Variants in TVP23A observed in about 807,000 individuals in gnomAD.
The protein encoded by TVP23A is trans-golgi network vesicle protein 23 homolog A.
TVP23A carries 21 observed loss-of-function variants against 31.7 expected under a neutral mutation model. The observed-to-expected ratio is 0.66, with a 90% CI of 0.47 to 0.95. The LOEUF (loss-of-function observed/expected upper bound fraction) is 0.95, where lower values mean the gene tolerates loss of function less well. TVP23A is among the 40% of genes least tolerant of loss of function. The pLI, the probability that TVP23A is intolerant of heterozygous loss-of-function variation, is 0.00. For synonymous variants in TVP23A, 104 were observed against 96.0 expected (o/e 1.08, Z -0.49); for missense variants, 279 against 255.6 (o/e 1.09, Z -0.62).
intron 2 of TVP23A, among the ~76,000 whole-genome samples, chr16:10,780,609 A>C (rs145094276): frequency 1.8e-4 from 27 of 152,196 alleles, no homozygotes; most frequent in African/African-American, 5.5e-4. Context: ...TCCTGGCTCT[A>C]ATCTCTGAGT....
chr16:10,798,209 T>C (rs9925212), intron 2 of TVP23A, among the ~76,000 whole-genome samples: 5,456 of 152,170 alleles, frequency 0.036, 308 homozygotes, highest in African/African-American at 0.12. Flanking sequence ...TCTGCCCGCC[T>C]TGGCCTCCCA....
chr16:10,774,167 G>C, intron 3 of TVP23A, 39 bp from the exon 4 acceptor site: 2 of 1,487,386 alleles, frequency 1.3e-6, no homozygotes, highest in Non-Finnish European at 1.9e-6. Flanking sequence ...CAGGTCACAG[G>C]CAAAGAGGCT....
At chr16:10,775,118 G>GC (rs776774695) in intron 2 of TVP23A, 22 bp from the exon 3 acceptor site, 1 of 1,596,678 alleles carries the variant, frequency 6.3e-7, no homozygotes. Context: ...CCCAGAAGGC[G>GC]CCCTCACTCC....
In TVP23A at chr16:10,767,836, G is replaced by A; in HGVS notation, c.*1266C>T. Reference sequence around the variant, plus strand: ...TTCTACTTTGTTCTTCATTACGAGTGAAGCGGGCTCAAGATCTTCCCATTG... The same window carrying A: ...TTCTACTTTGTTCTTCATTACGAGTAAAGCGGGCTCAAGATCTTCCCATTG... On this transcript the variant is annotated 3_prime_UTR_variant, in exon 8 of 8. Transcript: ENST00000299866. This position sits in a 1 kb window ranked among gnomAD's most constrained non-coding sequence, Gnocchi z 4.6. The A allele has an allele frequency of 2.1e-6, 2 of 966,180 alleles. No individual in the cohort carries two copies. Among genetic ancestry groups the A allele is most frequent in the Non-Finnish European group, 3.3e-6 (2 of 610,996 alleles). The allele number at this position is 966,180 out of a possible 1,614,324, so 59.9% of individuals were successfully genotyped here. A position where few individuals can be genotyped will look rare whatever the true frequency, so the allele number is the denominator to read the frequency against.
At chr16:10,805,720 T>A (rs1282480685) in intron 2 of TVP23A, among the ~76,000 whole-genome samples, 1 of 151,674 alleles carries the variant, frequency 6.6e-6, no homozygotes, top group Non-Finnish European at 1.5e-5. Flanking sequence ...TGCTTATATG[T>A]TTATTGTCTT....
intron 2 of TVP23A, among the ~76,000 whole-genome samples, chr16:10,780,241 GTGATT>G: frequency 6.6e-6 from 1 of 152,300 alleles, no homozygotes; most frequent in Non-Finnish European, 1.5e-5. Flanking sequence ...AGGTGCTGGG[GTGATT>G]ACCCTTATCT....
intron 2 of TVP23A, among the ~76,000 whole-genome samples, chr16:10,807,314 C>T (rs1166762367): frequency 6.6e-6 from 1 of 152,230 alleles, no homozygotes; most frequent in Non-Finnish European, 1.5e-5. Context: ...TCAATACTGT[C>T]ACCTGTGCCC....
chr16:10,777,390 G>C lies in TVP23A; in HGVS notation c.90-2294C>G, dbSNP rs536533017. 6.6e-6 allele frequency among the ~76,000 whole-genome samples: 1 copy of C among 152,066 alleles called. No individual in the cohort carries two copies. Among genetic ancestry groups the C allele is most frequent in the African/African-American group, 2.4e-5 (1 of 41,406 alleles). On this transcript the variant is annotated intron_variant, in intron 2 of 7. Transcript: ENST00000299866. This position sits in a 1 kb window ranked among gnomAD's most constrained non-coding sequence, Gnocchi z 4.5. ...AGTGAGCTTGCAACCTCTGGATTAGGTTACAAAATGTTGTGGGCTTTGGAA... is the reference window on the plus strand; with the variant it reads ...AGTGAGCTTGCAACCTCTGGATTAGCTTACAAAATGTTGTGGGCTTTGGAA...
At chr16:10,816,925 TCACACACACACA>T (rs58142989) in intron 2 of TVP23A, among the ~76,000 whole-genome samples, 2,743 of 145,904 alleles carry the variant, frequency 0.019, 91 homozygotes, top group African/African-American at 0.066. Flanking sequence ...CAGGGAAACT[TCACACACACACA>T]CACACACACA....
chr16:10,761,573 C>A, intron 8 of TVP23A: 2 of 1,136,140 alleles, frequency 1.8e-6, no homozygotes, highest in Non-Finnish European at 2.6e-6. Flanking sequence ...CTTTCCCTGT[C>A]ATTTTGGGAA....
intron 6 of TVP23A, among the ~76,000 whole-genome samples, chr16:10,771,402 G>A (rs1194188195): frequency 2.0e-5 from 3 of 152,060 alleles, no homozygotes; most frequent in Non-Finnish European, 4.4e-5. Flanking sequence ...AGGCATGGTG[G>A]TACACACCTG....
intron 2 of TVP23A, among the ~76,000 whole-genome samples, chr16:10,812,499 A>C (rs1795276252): frequency 6.6e-6 from 1 of 152,246 alleles, no homozygotes; most frequent in Non-Finnish European, 1.5e-5. Context: ...AAGAGGTACA[A>C]GTGTACCCAA....
chr16:10,784,887 G>A (rs2142961088), intron 2 of TVP23A, among the ~76,000 whole-genome samples: 1 of 152,078 alleles, frequency 6.6e-6, no homozygotes, highest in African/African-American at 2.4e-5. Context: ...GATCACCTGA[G>A]GTCAGGAATT....
chr16:10,818,324 C>G lies in TVP23A; in HGVS notation c.10-142G>C. 8 of 1,356,006 alleles carry G rather than the reference C, an allele frequency of 5.9e-6. No homozygotes were observed. Among genetic ancestry groups the G allele is most frequent in the Non-Finnish European group, 8.1e-6 (8 of 989,148 alleles). 84.0% of individuals were successfully genotyped at this position (1,356,006 alleles called of 1,614,324 possible). A position where few individuals can be genotyped will look rare whatever the true frequency, so the allele number is the denominator to read the frequency against. On this transcript the variant is annotated intron_variant, in intron 1 of 7. Coordinates refer to ENST00000299866, the MANE Select transcript of TVP23A (RefSeq NM_001079512.4). This position sits in a 1 kb window ranked among gnomAD's most constrained non-coding sequence, Gnocchi z 4.7. ...CCTCCGAGCTGGCGGGGCCCCTCCG[C>G]TGCGGCTGCAGTGCAAAGCCCTCTC...
At chr16:10,774,884 T>C in intron 3 of TVP23A, 68 bp downstream of exon 3, 1 of 1,442,526 alleles carries the variant, frequency 6.9e-7, no homozygotes, top group East Asian at 2.4e-5. Context: ...AAGTACCTCT[T>C]GGTACCACGC....
At chr16:10,778,770 A>AT (rs2032241461) in intron 2 of TVP23A, among the ~76,000 whole-genome samples, 1 of 152,178 alleles carries the variant, frequency 6.6e-6, no homozygotes, top group Non-Finnish European at 1.5e-5. Context: ...GTTCGAGACC[A>AT]GCCTGGCCAA....
chr16:10,804,508 G>A lies in TVP23A; in HGVS notation c.89+13595C>T, dbSNP rs567939371. On this transcript the variant is annotated intron_variant, in intron 2 of 7. Coordinates refer to ENST00000299866, the MANE Select transcript of TVP23A (RefSeq NM_001079512.4). ...CATGCCTGGAATCCCAGCACCTTGG[G>A]AGGCCAAGGCAAGAGGATTGCCTGA... Among the ~76,000 whole-genome samples, 546 of 152,324 alleles carry A rather than the reference G, an allele frequency of 3.6e-3. 3 individuals carry two copies. Among genetic ancestry groups the A allele is most frequent in the African/African-American group, 0.013 (524 of 41,576 alleles).
intron 2 of TVP23A, among the ~76,000 whole-genome samples, chr16:10,787,354 C>T (rs1358580531): frequency 6.6e-6 from 1 of 152,162 alleles, no homozygotes; most frequent in Non-Finnish European, 1.5e-5. Flanking sequence ...GACAAGCAAG[C>T]TGGAAGCTTG....
At chr16:10,787,115 G>A (rs542740071) in intron 2 of TVP23A, among the ~76,000 whole-genome samples, 86 of 152,222 alleles carry the variant, frequency 5.6e-4, no homozygotes, top group Admixed American at 8.5e-4. Context: ...CCTGGCCAGC[G>A]TGGTGCAGGG....
Sources: allele counts gnomAD v4.1 joint callset (sites outside exome capture counted in the v4.1 genomes callset), GRCh38; gene constraint gnomAD v4.1.1; non-coding constraint Gnocchi (gnomAD v3.1); transcripts MANE v1.5; gene names NCBI Gene and HGNC (gene_info 2026-07-23, HGNC 2026-07-21).